Variants in NFIA observed in about 807,000 individuals in gnomAD.
NFIA encodes the protein nuclear factor 1 A-type.
NFIA carries 8 observed loss-of-function variants against 62.8 expected under a neutral mutation model. That is an observed-to-expected ratio of 0.13 (90% CI 0.07 to 0.23). The LOEUF (loss-of-function observed/expected upper bound fraction) is 0.23. Among genes scored for constraint, NFIA ranks in the 10% least tolerant of loss-of-function variants. The pLI, the probability that NFIA is intolerant of heterozygous loss-of-function variation, is 1.00. For synonymous variants in NFIA, 235 were observed against 238.1 expected (o/e 0.99, Z 0.12); for missense variants, 410 against 642.1 (o/e 0.64, Z 3.91).
At chr1:61,453,353 A>G (rs1427594790) in intron 10 of NFIA, among the ~76,000 whole-genome samples, 1 of 152,058 alleles carries the variant, frequency 6.6e-6, no homozygotes, top group Non-Finnish European at 1.5e-5. Flanking sequence ...AGAGCAATCA[A>G]TAAAGCCTAT....
intron 2 of NFIA, among the ~76,000 whole-genome samples, chr1:61,096,468 T>C (rs12133298): frequency 0.22 from 33,221 of 151,518 alleles, 4,451 homozygotes; most frequent in East Asian, 0.51. Flanking sequence ...CCTGCCAAAG[T>C]GCTGGGATTA....
Position 61,458,381 on chromosome 1 carries a change from T to C in NFIA, c.*3061T>C, listed in dbSNP as rs538272803. 3.3e-5 allele frequency: 5 copies of C among 152,196 alleles called. No homozygotes were observed. The South Asian group carries it at 1.0e-3, about 31-fold the overall frequency. The allele number at this position is 152,196 out of a possible 1,614,324, so 9.4% of individuals were successfully genotyped here. A position where few individuals can be genotyped will look rare whatever the true frequency, so the allele number is the denominator to read the frequency against. On this transcript the variant is annotated 3_prime_UTR_variant, in exon 11 of 11. Coordinates refer to ENST00000403491, the MANE Select transcript of NFIA (RefSeq NM_001134673.4). ...AAACAAAACAAACTAAGCAATAGTTTGGGCAGTTTTAGTTGTTTTTAGTGA... is the reference window on the plus strand; with the variant it reads ...AAACAAAACAAACTAAGCAATAGTTCGGGCAGTTTTAGTTGTTTTTAGTGA...
At chr1:61,187,077 T>A (rs1422157199) in intron 2 of NFIA, among the ~76,000 whole-genome samples, 1 of 152,232 alleles carries the variant, frequency 6.6e-6, no homozygotes, top group Non-Finnish European at 1.5e-5. Flanking sequence ...TTGTAAAATG[T>A]CAACTGTAAA....
intron 2 of NFIA, among the ~76,000 whole-genome samples, chr1:61,101,265 C>T (rs963232203): frequency 6.6e-6 from 1 of 151,852 alleles, no homozygotes; most frequent in Non-Finnish European, 1.5e-5. Context: ...TGTGGTGGTG[C>T]ATGCCTGCGA....
At chr1:61,085,703 A>C (rs1354897306) in intron 1 of NFIA, among the ~76,000 whole-genome samples, 1 of 152,124 alleles carries the variant, frequency 6.6e-6, no homozygotes, top group Non-Finnish European at 1.5e-5. Context: ...CAATACTTTA[A>C]TTGTGCATAT....
intron 2 of NFIA, among the ~76,000 whole-genome samples, chr1:61,169,262 G>A (rs1430668090): frequency 6.6e-6 from 1 of 152,182 alleles, no homozygotes; most frequent in Non-Finnish European, 1.5e-5. Flanking sequence ...AACAAGCACA[G>A]AAGAGAGGAT....
intron 2 of NFIA, among the ~76,000 whole-genome samples, chr1:61,265,000 A>G (rs947983424): frequency 6.6e-6 from 1 of 152,216 alleles, no homozygotes; most frequent in Non-Finnish European, 1.5e-5. Flanking sequence ...TTTCAAAGCT[A>G]CATAAGCGAA....
intron 2 of NFIA, among the ~76,000 whole-genome samples, chr1:61,224,557 A>G (rs547825133): frequency 6.6e-6 from 1 of 152,076 alleles, no homozygotes; most frequent in Non-Finnish European, 1.5e-5. Context: ...ACTTATTCTG[A>G]TTCAGTCCTG....
chr1:61,089,067 G>GT (rs1250405053), intron 2 of NFIA, among the ~76,000 whole-genome samples: 2 of 152,134 alleles, frequency 1.3e-5, no homozygotes, highest in African/African-American at 4.8e-5. Flanking sequence ...TTTTTAGTTG[G>GT]TTTTCTGCTG....
chr1:61,101,032 CAAAAATATTTTTGT>C (rs1449769996), intron 2 of NFIA, among the ~76,000 whole-genome samples: 1 of 150,796 alleles, frequency 6.6e-6, no homozygotes, highest in Non-Finnish European at 1.5e-5. Flanking sequence ...TTTCTTATAT[CAAAAATATTTTTGT>C]AAATGTAAAG....
intron 2 of NFIA, among the ~76,000 whole-genome samples, chr1:61,248,750 G>A (rs1655815230): frequency 6.6e-6 from 1 of 152,134 alleles, no homozygotes; most frequent in Non-Finnish European, 1.5e-5. Flanking sequence ...GGTTTCTGGG[G>A]CATAACTAAA....
At chr1:61,077,506 C>G, upstream of NFIA, 1 of 915,700 alleles carries the variant, frequency 1.1e-6, no homozygotes, top group East Asian at 3.1e-5. Flanking sequence ...AAATCTCTTC[C>G]GGGTTTTCAA....
At chr1:61,370,023 A>C (rs1663801724) in intron 6 of NFIA, among the ~76,000 whole-genome samples, 1 of 152,192 alleles carries the variant, frequency 6.6e-6, no homozygotes, top group Non-Finnish European at 1.5e-5. Context: ...TTAACACTCC[A>C]GAATAAGTGG....
chr1:61,291,422 G>A (rs1339833711), intron 3 of NFIA, among the ~76,000 whole-genome samples: 2 of 152,162 alleles, frequency 1.3e-5, no homozygotes, highest in Admixed American at 6.6e-5. Context: ...GAACATTTGA[G>A]TTTTGGACTC....
intron 4 of NFIA, among the ~76,000 whole-genome samples, chr1:61,351,999 A>G (rs1379290287): frequency 2.0e-5 from 3 of 152,250 alleles, no homozygotes; most frequent in African/African-American, 4.8e-5. Flanking sequence ...TTCATGTTAT[A>G]AGAAACTGGG....
chr1:61,352,638 A>G lies in NFIA; in HGVS notation c.818+71A>G, dbSNP rs115377974. ...ACACCTTGATTTTAACTCTGGGCCC[A>G]CTATGGATTTAGCAATGCGCCTTTA... On this transcript the variant is annotated intron_variant, in intron 5 of 10. Coordinates refer to ENST00000403491, the MANE Select transcript of NFIA (RefSeq NM_001134673.4). 1,832 of 1,212,892 alleles carry G rather than the reference A, an allele frequency of 1.5e-3. 13 individuals are homozygous for G. In the African/African-American group the frequency reaches 0.019, roughly 13 times the overall value. The allele number at this position is 1,212,892 out of a possible 1,614,324, so 75.1% of individuals were successfully genotyped here. A position where few individuals can be genotyped will look rare whatever the true frequency, so the allele number is the denominator to read the frequency against.
At chr1:61,332,291 CA>C (rs1661339004) in intron 3 of NFIA, among the ~76,000 whole-genome samples, 1 of 152,024 alleles carries the variant, frequency 6.6e-6, no homozygotes, top group Non-Finnish European at 1.5e-5. Context: ...TTTCAAAAAT[CA>C]GCTAGTTGTT....
intron 10 of NFIA, among the ~76,000 whole-genome samples, chr1:61,430,932 T>G (rs897155717): frequency 1.3e-5 from 2 of 152,186 alleles, no homozygotes; most frequent in African/African-American, 4.8e-5. Context: ...CCCTACAGCC[T>G]TTAGAACACC....
chr1:61,344,407 C>G (rs143430804), intron 4 of NFIA, among the ~76,000 whole-genome samples: 261 of 152,344 alleles, frequency 1.7e-3, no homozygotes, highest in Middle Eastern at 3.4e-3. Flanking sequence ...TCTTCAAATA[C>G]AAGTTCCCAA....
Sources: gnomAD v4.1 joint callset for allele counts (sites outside exome capture counted in the v4.1 genomes callset) on GRCh38, gnomAD v4.1.1 for gene constraint, MANE v1.5 for transcripts, NCBI Gene and HGNC (gene_info 2026-07-23, HGNC 2026-07-21) for gene names.